SIDT1: variants seen among roughly 807,000 people sequenced by gnomAD.
The protein encoded by SIDT1 is SID1 transmembrane family, member 1.
A neutral mutation model predicts 107.5 loss-of-function variants in SIDT1; 101 were observed. The observed-to-expected ratio is 0.94, with a 90% CI of 0.80 to 1.11. SIDT1 has a LOEUF of 1.11. Ranked by LOEUF, SIDT1 falls within the 50% of genes least tolerant of loss-of-function variation. The pLI is 0.00. For missense variants in SIDT1, 1,076 were observed against 1,058.2 expected (o/e 1.02, Z -0.23); for synonymous variants, 395 against 398.2 (o/e 0.99, Z 0.10).
At chr3:113,556,992 G>A (rs1244288877) in intron 1 of SIDT1, among the ~76,000 whole-genome samples, 7 of 150,400 alleles carry the variant, frequency 4.7e-5, no homozygotes, top group Non-Finnish European at 5.9e-5. Flanking sequence ...GCTAATTTTT[G>A]TATTTTTAGT....
In SIDT1 at chr3:113,611,081, T is replaced by C. The variant is rs150025987; in HGVS notation, c.1794T>C (p.Asn598=). 280 of 1,614,034 alleles carry C rather than the reference T, an allele frequency of 1.7e-4. No homozygotes were observed. Among genetic ancestry groups the C allele is most frequent in the Admixed American group, 2.5e-4 (15 of 59,998 alleles). Residue 598 remains asparagine (N), a synonymous_variant, in exon 18 of 25, where the codon AAT becomes AAC. Transcript: ENST00000264852. Reference sequence around the variant, plus strand: ...ATCAGACCCGCCACCCAGACATCAATGCCAGCGCCTACTCTGCCTATGCCT... The same window carrying C: ...ATCAGACCCGCCACCCAGACATCAACGCCAGCGCCTACTCTGCCTATGCCT... The part of the protein sequence containing the change: ...KLYQTRHPDI[N]ASAYSAYASF...
At chr3:113,619,851 C>A in intron 21 of SIDT1, 125 bp downstream of exon 21, 2 of 845,180 alleles carry the variant, frequency 2.4e-6, no homozygotes, top group Admixed American at 2.2e-5. Context: ...ACTGCTTGTT[C>A]TAGAGACTCA....
At chr3:113,618,915 C>T (rs147567895) in intron 20 of SIDT1, among the ~76,000 whole-genome samples, 1 of 152,288 alleles carries the variant, frequency 6.6e-6, no homozygotes, top group East Asian at 1.9e-4. Context: ...ACCTCTGCCT[C>T]CCAGGTTCAA....
At chr3:113,614,922 C>A in intron 19 of SIDT1, 2 of 780,270 alleles carry the variant, frequency 2.6e-6, no homozygotes, top group Non-Finnish European at 4.2e-6. Flanking sequence ...GACAAGTAAG[C>A]ATTACTTTTA....
chr3:113,595,532 T>A (rs760464608), intron 10 of SIDT1, among the ~76,000 whole-genome samples: 4 of 151,124 alleles, frequency 2.6e-5, no homozygotes, highest in Non-Finnish European at 5.9e-5. Context: ...TGAGCTGAGA[T>A]CGCACCACTG....
In SIDT1 at chr3:113,610,267, G is replaced by C. The variant is rs186133832; in HGVS notation, c.1721-741G>C. On this transcript the variant is annotated intron_variant, in intron 17 of 24. Coordinates refer to ENST00000264852, the MANE Select transcript of SIDT1 (RefSeq NM_017699.3). ...AGGTTCCTTGGGATACCTAGAAGTA[G>C]AATTTTTCAGTTACTTGGTTTGTGC... Among the ~76,000 whole-genome samples, 43 of 152,278 alleles carry C rather than the reference G, an allele frequency of 2.8e-4. No homozygotes were observed. The East Asian group carries it at 4.8e-3, about 17-fold the overall frequency.
rs1022887895 is a variant in SIDT1 at position 113,628,685 on chromosome 3, C to A, written c.*977C>A. The A allele has an allele frequency of 1.3e-5, 2 of 152,314 alleles. No individual in the cohort carries two copies. Among genetic ancestry groups the A allele is most frequent in the African/African-American group, 4.8e-5 (2 of 41,456 alleles). 9.4% of individuals were successfully genotyped at this position (152,314 alleles called of 1,614,324 possible). A position where few individuals can be genotyped will look rare whatever the true frequency, so the allele number is the denominator to read the frequency against. ...ACAGCTCAGTTCTGTGCCCACATCA[C>A]CTTTGGGGAAGAAATCAGCATTCTA... On this transcript the variant is annotated 3_prime_UTR_variant, in exon 25 of 25. Transcript: ENST00000264852.
At chr3:113,630,367 GT>G (rs775828048), downstream of SIDT1, among the ~76,000 whole-genome samples, 6 of 152,150 alleles carry the variant, frequency 3.9e-5, no homozygotes, top group Non-Finnish European at 5.9e-5. Context: ...GATTCGCCCG[GT>G]TTTATTTTAG....
chr3:113,542,675 A>G (rs1176452700), intron 1 of SIDT1, among the ~76,000 whole-genome samples: 1 of 152,158 alleles, frequency 6.6e-6, no homozygotes, highest in African/African-American at 2.4e-5. Flanking sequence ...AGGGAAGGGA[A>G]GATCTGGGTA....
chr3:113,595,589 A>T (rs1416373762), intron 10 of SIDT1, among the ~76,000 whole-genome samples: 1 of 151,796 alleles, frequency 6.6e-6, no homozygotes, highest in African/African-American at 2.4e-5. Flanking sequence ...AAAAAAAAAA[A>T]AAGCCTCCAG....
intron 21 of SIDT1, among the ~76,000 whole-genome samples, chr3:113,622,846 C>T (rs186204787): frequency 2.8e-4 from 43 of 152,186 alleles, no homozygotes; most frequent in Admixed American, 9.2e-4. Flanking sequence ...GGGAACTTTA[C>T]ATGGTTGTTA....
intron 1 of SIDT1, among the ~76,000 whole-genome samples, chr3:113,540,559 T>TA (rs1338379238): frequency 6.6e-6 from 1 of 152,218 alleles, no homozygotes; most frequent in Admixed American, 6.5e-5. Context: ...TAGACCCTGT[T>TA]AGTGCTGTCA....
At chr3:113,608,300 T>C in intron 16 of SIDT1, 83 bp downstream of exon 16, 1 of 1,546,550 alleles carries the variant, frequency 6.5e-7, no homozygotes, top group South Asian at 1.2e-5. Context: ...GGCTTAATGG[T>C]GTGATGATTT....
intron 1 of SIDT1, among the ~76,000 whole-genome samples, chr3:113,549,984 A>T (rs1440068060): frequency 6.6e-6 from 1 of 152,160 alleles, no homozygotes. Context: ...TTCTAGCATC[A>T]TTTGTTGAAA....
rs774768028 is a variant in SIDT1, at chr3:113,567,581, T to C, written c.386T>C (p.Leu129Ser). The C allele has an allele frequency of 1.7e-5, 28 of 1,613,974 alleles. No homozygotes were observed. Residue 129 changes from leucine (L) to serine (S), a missense_variant, in exon 3 of 25, where the codon TTA (leucine) becomes TCA (serine). By Grantham distance (145) the Leu-to-Ser change is moderately radical. Coordinates refer to ENST00000264852, the MANE Select transcript of SIDT1 (RefSeq NM_017699.3). Reference protein sequence around the residue: ...SYNYQEVSRTLCPSEATNETG... With the variant: ...SYNYQEVSRTSCPSEATNETG... ...AACTATCAAGAAGTGAGCCGCACCTTATGTCCCTCAGAAGCAACCAATGAG... is the reference window on the plus strand; with the variant it reads ...AACTATCAAGAAGTGAGCCGCACCTCATGTCCCTCAGAAGCAACCAATGAG...
the SIDT1 span, among the ~76,000 whole-genome samples, chr3:113,636,598 TAAGA>T: frequency 1.3e-5 from 2 of 152,044 alleles, no homozygotes; most frequent in African/African-American, 4.8e-5. Context: ...TTAAGCAGTG[TAAGA>T]AAACACCACC....
chr3:113,545,946 A>T (rs931056402), intron 1 of SIDT1, among the ~76,000 whole-genome samples: 1 of 152,220 alleles, frequency 6.6e-6, no homozygotes, highest in Non-Finnish European at 1.5e-5. Flanking sequence ...TCTGGGTAGT[A>T]AGATTGCAGG....
chr3:113,609,058 CTTTTTTTTT>C (rs11453487), intron 17 of SIDT1, among the ~76,000 whole-genome samples: 5 of 86,686 alleles, frequency 5.8e-5, no homozygotes, highest in South Asian at 4.8e-4. Flanking sequence ...TGAGCCCATT[CTTTTTTTTT>C]TTTTTTTTTT....
chr3:113,537,701 G>A (rs1167838788), intron 1 of SIDT1, among the ~76,000 whole-genome samples: 1 of 152,202 alleles, frequency 6.6e-6, no homozygotes, highest in Non-Finnish European at 1.5e-5. Context: ...CCTGCTTCCT[G>A]GTTTGTAGAC....
Sources: allele counts gnomAD v4.1 joint callset (sites outside exome capture counted in the v4.1 genomes callset), GRCh38; gene constraint gnomAD v4.1.1; transcripts MANE v1.5; gene names NCBI Gene and HGNC (gene_info 2026-07-23, HGNC 2026-07-21).